The following KDM4C variants were observed in gnomAD, a reference collection of about 807,000 sequenced individuals.
KDM4C encodes lysine-specific demethylase 4C.
In KDM4C, 81 loss-of-function variants were observed where a neutral mutation model predicts 129.3. The ratio of observed to expected loss-of-function variants is 0.63; its 90% confidence interval spans 0.52 to 0.75. The LOEUF (loss-of-function observed/expected upper bound fraction) is 0.75, where lower values mean the gene tolerates loss of function less well. Ranked by LOEUF, KDM4C falls within the 30% of genes least tolerant of loss-of-function variation. The pLI, the probability that KDM4C is intolerant of heterozygous loss-of-function variation, is 0.00. For synonymous variants in KDM4C, 573 were observed against 456.1 expected, an observed-to-expected ratio of 1.26 and a Z score of -3.26; for missense variants, 1,457 against 1,304.0, an observed-to-expected ratio of 1.12 and a Z score of -1.81.
At chr9:6,781,753 G>T (rs1260833625) in intron 1 of KDM4C, among the ~76,000 whole-genome samples, 1 of 152,034 alleles carries the variant, frequency 6.6e-6, no homozygotes, top group Non-Finnish European at 1.5e-5. Context: ...ATTTTTCATT[G>T]CGCTATGCGT....
At chr9:6,809,500 A>G (rs1231456785) in intron 3 of KDM4C, among the ~76,000 whole-genome samples, 1 of 152,206 alleles carries the variant, frequency 6.6e-6, no homozygotes, top group African/African-American at 2.4e-5. Context: ...GATACTTACT[A>G]AAAACTATTG....
rs577326834 is a variant in KDM4C, at chr9:7,170,203, C to T, written c.2994+313C>T. On this transcript the variant is annotated intron_variant, in intron 21 of 21. Transcript: ENST00000381309. Reference sequence around the variant, plus strand: ...AAAACACCAGGAGCAAACAAAGATACCATCAAGGCATTTGCAATCTTGTTA... The same window carrying T: ...AAAACACCAGGAGCAAACAAAGATATCATCAAGGCATTTGCAATCTTGTTA... 2.3e-4 allele frequency: 278 copies of T among 1,221,558 alleles called. 2 individuals are homozygous for T. The African/African-American group carries it at 3.8e-3, about 17-fold the overall frequency. The allele number at this position is 1,221,558 out of a possible 1,614,324, so 75.7% of individuals were successfully genotyped here.
chr9:6,911,212 A>G (rs1425521772), intron 8 of KDM4C, among the ~76,000 whole-genome samples: 2 of 152,188 alleles, frequency 1.3e-5, no homozygotes, highest in African/African-American at 4.8e-5. Context: ...TTATGCCATC[A>G]CTTAGAGGAT....
chr9:6,986,576 G>C lies in KDM4C; in HGVS notation c.1587G>C (p.Glu529Asp). ...ESNGVLTEGE[E>D]SDVESHGNGL... Reference sequence around the variant, plus strand: ...ATGGTGTGTTAACAGAGGGAGAAGAGAGTGATGTGGAGAGCCATGGGAATG... The same window carrying C: ...ATGGTGTGTTAACAGAGGGAGAAGACAGTGATGTGGAGAGCCATGGGAATG... The change falls in exon 11 of 22, where the codon GAG becomes GAC. Residue 529 changes from glutamate (E) to aspartate (D), a missense_variant. Coordinates refer to ENST00000381309, the MANE Select transcript of KDM4C (RefSeq NM_015061.6). The C allele has an allele frequency of 6.2e-7, 1 of 1,614,156 alleles. No homozygotes were observed. Among genetic ancestry groups the C allele is most frequent in the South Asian group, 1.1e-5 (1 of 91,076 alleles).
intron 4 of KDM4C, among the ~76,000 whole-genome samples, chr9:6,848,371 A>C (rs1838224847): frequency 6.6e-6 from 1 of 151,978 alleles, no homozygotes; most frequent in Non-Finnish European, 1.5e-5. Flanking sequence ...ACTGTAGTCA[A>C]TTCATGAGTG....
chr9:7,046,821 T>C (rs1305777319), intron 15 of KDM4C, 41 bp from the exon 16 acceptor site: 7 of 1,360,632 alleles, frequency 5.1e-6, no homozygotes, highest in Admixed American at 3.4e-5. Flanking sequence ...ACTTTTGTTA[T>C]GTGGGTCTGG....
intron 15 of KDM4C, among the ~76,000 whole-genome samples, chr9:7,028,077 A>G (rs1409551405): frequency 2.6e-5 from 4 of 152,270 alleles, no homozygotes; most frequent in African/African-American, 9.6e-5. Flanking sequence ...TTGGTACTCC[A>G]ATTCCTGTGG....
In KDM4C at chr9:6,935,248, C is replaced by T. The variant is rs1018901917; in HGVS notation, c.921+42016C>T. The stretch of plus-strand genomic sequence containing the variant: ...AAAATCTCAATAATTTAGGCATATC[C>T]TTGGCATGTTCGTAAAATTGTTCCA... On this transcript the variant is annotated intron_variant, in intron 8 of 21. Coordinates refer to ENST00000381309, the MANE Select transcript of KDM4C (RefSeq NM_015061.6). Among the ~76,000 whole-genome samples, 5 of 152,012 alleles carry T rather than the reference C, an allele frequency of 3.3e-5. No homozygotes were observed. The South Asian group carries it at 1.0e-3, about 32-fold the overall frequency.
At chr9:7,124,484 C>T (rs1044332639) in intron 18 of KDM4C, among the ~76,000 whole-genome samples, 1 of 151,958 alleles carries the variant, frequency 6.6e-6, no homozygotes, top group South Asian at 2.1e-4. Flanking sequence ...TGTCACAGGC[C>T]CAATCTTGGA....
chr9:6,959,114 A>C (rs1195270491), intron 8 of KDM4C, among the ~76,000 whole-genome samples: 1 of 152,210 alleles, frequency 6.6e-6, no homozygotes, highest in Non-Finnish European at 1.5e-5. Flanking sequence ...CCAGGAACCC[A>C]GTGAACAAAT....
At chr9:6,875,440 A>G (rs1049247942) in intron 5 of KDM4C, among the ~76,000 whole-genome samples, 1 of 152,160 alleles carries the variant, frequency 6.6e-6, no homozygotes, top group African/African-American at 2.4e-5. Context: ...GTTTTGTTGT[A>G]TCTTATTCCT....
At chr9:7,132,196 T>A (rs1218041926) in intron 19 of KDM4C, among the ~76,000 whole-genome samples, 1 of 152,230 alleles carries the variant, frequency 6.6e-6, no homozygotes, top group East Asian at 1.9e-4. Context: ...ACAAATAGAG[T>A]CCCTTATGGA....
chr9:6,783,969 A>G (rs1257871429), intron 1 of KDM4C, among the ~76,000 whole-genome samples: 1 of 152,132 alleles, frequency 6.6e-6, no homozygotes, highest in Non-Finnish European at 1.5e-5. Flanking sequence ...AGGGGACATG[A>G]CATACAGGAA....
chr9:6,891,185 G>T (rs1846071326), intron 7 of KDM4C, among the ~76,000 whole-genome samples: 3 of 152,140 alleles, frequency 2.0e-5, no homozygotes, highest in Non-Finnish European at 4.4e-5. Flanking sequence ...GCGCTCTTGG[G>T]TGATGAAATA....
At chr9:7,168,382 A>C (rs1320968024) in intron 20 of KDM4C, among the ~76,000 whole-genome samples, 1 of 152,194 alleles carries the variant, frequency 6.6e-6, no homozygotes, top group Non-Finnish European at 1.5e-5. Context: ...GAGTTAGAAC[A>C]TATTAAGTAT....
At position 6,758,423 on chromosome 9, in the gene KDM4C, C is replaced by T. The variant is rs144324687; in HGVS notation, c.-18+220C>T. Among the ~76,000 whole-genome samples the T allele has an allele frequency of 7.4e-3, 1,133 of 152,318 alleles. 14 individuals carry two copies. Among genetic ancestry groups the T allele is most frequent in the African/African-American group, 0.026 (1,073 of 41,574 alleles). ...GAGGGATGCGGGGGCCGGTGACAGC[C>T]CGCTCCGGCCCTTACCGAGGTTCGG... is the stretch of plus-strand genomic sequence containing the variant. On this transcript the variant is annotated intron_variant, in intron 1 of 21. Transcript: ENST00000381309. This position sits in a 1 kb window ranked among gnomAD's most constrained non-coding sequence, Gnocchi z 4.6.
intron 8 of KDM4C, among the ~76,000 whole-genome samples, chr9:6,935,499 C>T (rs1033446600): frequency 2.0e-5 from 3 of 151,590 alleles, no homozygotes; most frequent in African/African-American, 7.3e-5. Flanking sequence ...TCACTGCAAT[C>T]TCCCATCTCC....
intron 1 of KDM4C, among the ~76,000 whole-genome samples, chr9:6,740,070 A>G (rs888392136): frequency 6.6e-6 from 1 of 150,872 alleles, no homozygotes; most frequent in Non-Finnish European, 1.5e-5. Context: ...TTGTATTTTT[A>G]GTAGAGACGG....
chr9:6,893,341 A>G, intron 8 of KDM4C, 109 bp downstream of exon 8: 2 of 818,376 alleles, frequency 2.4e-6, no homozygotes, highest in Non-Finnish European at 3.7e-6. Context: ...CACTGGCGCC[A>G]TGTGCCTCTC....
Sources: allele counts gnomAD v4.1 joint callset (sites outside exome capture counted in the v4.1 genomes callset), GRCh38; gene constraint gnomAD v4.1.1; non-coding constraint Gnocchi (gnomAD v3.1); transcripts MANE v1.5; gene names NCBI Gene and HGNC (gene_info 2026-07-23, HGNC 2026-07-21).